Variants in MB observed in about 807,000 individuals in gnomAD.
MB encodes myoglobin.
In MB, 10 loss-of-function variants were observed where a neutral mutation model predicts 14.5. The observed-to-expected ratio is 0.69, with a 90% confidence interval of 0.43 to 1.17. The LOEUF is 1.17. Among genes scored for constraint, MB ranks in the 50% most tolerant of loss-of-function variants. The probability of loss-of-function intolerance (pLI) is 0.00; values close to 1 mark genes in which losing one functional copy is unlikely to be tolerated. For missense variants in MB, 169 were observed against 192.7 expected (o/e 0.88, Z 0.73); for synonymous variants, 89 against 78.6 (o/e 1.13, Z -0.70).
At chr22:35,614,399 C>T (rs1399787634) in intron 1 of MB, among the ~76,000 whole-genome samples, 2 of 151,792 alleles carry the variant, frequency 1.3e-5, no homozygotes, top group African/African-American at 4.8e-5. Flanking sequence ...ACCAGCCTGG[C>T]CAACATGGCG....
intron 2 of MB, 99 bp downstream of exon 2, chr22:35,610,785 C>A: frequency 2.2e-6 from 2 of 908,032 alleles, no homozygotes; most frequent in South Asian, 1.6e-5. Context: ...CATAGGTCAT[C>A]CCACAAGTTA....
intron 1 of MB, chr22:35,622,428 C>T (rs1923531640): frequency 1.3e-5 from 2 of 152,880 alleles, no homozygotes; most frequent in South Asian, 4.1e-4. Flanking sequence ...CCCAGGAACC[C>T]ACCCACCAGG....
At position 35,611,232 on chromosome 22, in the gene MB, C is replaced by T. The variant is rs1044163165; in HGVS notation, c.96-126G>A. The T allele has an allele frequency of 7.6e-5, 50 of 659,626 alleles. No individual in the cohort carries two copies. The African/African-American group carries it at 8.6e-4, about 11-fold the overall frequency. The allele number at this position is 659,626 out of a possible 1,614,324, so 40.9% of individuals were successfully genotyped here. A position where few individuals can be genotyped will look rare whatever the true frequency, so the allele number is the denominator to read the frequency against. ...GTGTGACCTTGGGCCATTCACTTCA[C>T]CTCTCTGTGCCTCAGCTTCCTCATA... On this transcript the variant is annotated intron_variant, in intron 1 of 2. Coordinates refer to ENST00000397326, the MANE Select transcript of MB (RefSeq NM_005368.3).
upstream of MB, among the ~76,000 whole-genome samples, chr22:35,618,082 T>A (rs1033319382): frequency 6.6e-6 from 1 of 152,232 alleles, no homozygotes; most frequent in African/African-American, 2.4e-5. Flanking sequence ...GAGACTTTGC[T>A]GGGTGCCAGG....
At chr22:35,621,499 A>T (rs1222273106), upstream of MB, among the ~76,000 whole-genome samples, 2 of 152,240 alleles carry the variant, frequency 1.3e-5, no homozygotes, top group African/African-American at 4.8e-5. Context: ...GAAATCTAGA[A>T]TTATAGGGCC....
chr22:35,618,919 T>C (rs1204551795), upstream of MB, among the ~76,000 whole-genome samples: 1 of 143,098 alleles, frequency 7.0e-6, no homozygotes, highest in Non-Finnish European at 1.5e-5. Flanking sequence ...CATCTATCTA[T>C]CTGTTCCTCC....
At chr22:35,610,856 C>A (rs1180481474) in intron 2 of MB, 28 bp downstream of exon 2, 2 of 1,518,596 alleles carry the variant, frequency 1.3e-6, no homozygotes, top group African/African-American at 2.0e-5. Flanking sequence ...TCCCCGCATC[C>A]TCCCACCTGC....
At chr22:35,610,061 C>T (rs55931418) in intron 2 of MB, among the ~76,000 whole-genome samples, 3 of 152,104 alleles carry the variant, frequency 2.0e-5, no homozygotes, top group Non-Finnish European at 2.9e-5. Context: ...CCCATCCCAG[C>T]GGGTAGCTAT....
upstream of MB, among the ~76,000 whole-genome samples, chr22:35,620,287 T>G (rs1289875828): frequency 2.0e-5 from 3 of 152,086 alleles, no homozygotes; most frequent in Non-Finnish European, 2.9e-5. Context: ...TGAGCCGAGA[T>G]CGCTGTACTC....
At chr22:35,616,926 C>A (rs1170998863) in intron 1 of MB, among the ~76,000 whole-genome samples, 3 of 152,164 alleles carry the variant, frequency 2.0e-5, no homozygotes, top group Admixed American at 2.0e-4. Flanking sequence ...CTCTGAGCAT[C>A]CTAGGTTTGA....
rs555325353 is a variant in MB, at chr22:35,607,280, G to A, written c.*17C>T. On this transcript the variant is annotated 3_prime_UTR_variant, in exon 3 of 3. Transcript: ENST00000397326. ...GAACCCGGGGCCCAGATGGGTGGGG[G>A]TGGGAGCGGCAGGGGCCTAGCCCTG... The A allele has an allele frequency of 3.1e-5, 49 of 1,606,252 alleles. No homozygotes were observed. Among genetic ancestry groups the A allele is most frequent in the South Asian group, 2.1e-4 (19 of 90,730 alleles).
At chr22:35,611,366 A>G (rs1341739893) in intron 1 of MB, among the ~76,000 whole-genome samples, 2 of 152,116 alleles carry the variant, frequency 1.3e-5, no homozygotes, top group African/African-American at 2.4e-5. Flanking sequence ...TTCCCATTTT[A>G]CAGATGTGGA....
chr22:35,607,282 G>A lies in MB; in HGVS notation c.*15C>T. On this transcript the variant is annotated 3_prime_UTR_variant, in exon 3 of 3. Transcript: ENST00000397326. ...ACCCGGGGCCCAGATGGGTGGGGGT[G>A]GGAGCGGCAGGGGCCTAGCCCTGGA... 6.2e-7 allele frequency: 1 copy of A among 1,606,464 alleles called. No individual in the cohort carries two copies. The highest frequency in any genetic ancestry group is 8.5e-7 in the Non-Finnish European group (1 of 1,174,504).
At chr22:35,617,501 G>A (rs1198587404), upstream of MB, 1 of 536,750 alleles carries the variant, frequency 1.9e-6, no homozygotes, top group African/African-American at 1.9e-5. Flanking sequence ...TTTAGGGCAG[G>A]TGCCATTGTG....
chr22:35,610,135 C>A (rs1922489465), intron 2 of MB, among the ~76,000 whole-genome samples: 1 of 152,200 alleles, frequency 6.6e-6, no homozygotes, highest in African/African-American at 2.4e-5. Context: ...GGGGGATGCA[C>A]CTGTCCCTGT....
chr22:35,610,612 C>T (rs1405969550), intron 2 of MB, among the ~76,000 whole-genome samples: 1 of 152,166 alleles, frequency 6.6e-6, no homozygotes, highest in East Asian at 1.9e-4. Context: ...GCAAATTTTG[C>T]ACCCAATATC....
At chr22:35,621,937 G>C (rs142499717), upstream of MB, 1 of 152,204 alleles carries the variant, frequency 6.6e-6, no homozygotes, top group Non-Finnish European at 1.5e-5. Flanking sequence ...CAAAGAGAAC[G>C]CTATAGCAAA....
At chr22:35,615,222 C>A (rs1044768520) in intron 1 of MB, among the ~76,000 whole-genome samples, 18 of 152,210 alleles carry the variant, frequency 1.2e-4, no homozygotes, top group African/African-American at 4.3e-4. Context: ...AAGATGCCAA[C>A]TCTCACGGGT....
chr22:35,610,850 C>T (rs776512541), intron 2 of MB, 34 bp downstream of exon 2: 68 of 1,554,224 alleles, frequency 4.4e-5, no homozygotes, highest in Admixed American at 1.1e-4. Flanking sequence ...AGGCCTTCCC[C>T]GCATCCTCCC....
Sources: allele counts gnomAD v4.1 joint callset (sites outside exome capture counted in the v4.1 genomes callset), GRCh38; gene constraint gnomAD v4.1.1; transcripts MANE v1.5; gene names NCBI Gene and HGNC (gene_info 2026-07-23, HGNC 2026-07-21).